CTNNA3: variants seen among roughly 807,000 people sequenced by gnomAD.
CTNNA3 encodes the protein catenin alpha 3.
A neutral mutation model predicts 95.7 loss-of-function variants in CTNNA3; 76 were observed. The ratio of observed to expected loss-of-function variants is 0.79; its 90% confidence interval spans 0.66 to 0.96. The LOEUF is 0.96. Among genes scored for constraint, CTNNA3 ranks in the 40% least tolerant of loss-of-function variants. The probability of loss-of-function intolerance (pLI) is 0.00; values close to 1 mark genes in which losing one functional copy is unlikely to be tolerated. For synonymous variants in CTNNA3, 431 were observed against 374.4 expected, an observed-to-expected ratio of 1.15 and a Z score of -1.74; for missense variants, 1,191 against 1,089.8, an observed-to-expected ratio of 1.09 and a Z score of -1.31.
chr10:67,472,529 AT>A (rs1471995667), intron 5 of CTNNA3, among the ~76,000 whole-genome samples: 7 of 152,270 alleles, frequency 4.6e-5, no homozygotes, highest in Admixed American at 3.9e-4. Flanking sequence ...GCCATGACAA[AT>A]GTCATGGCAA....
intron 5 of CTNNA3, among the ~76,000 whole-genome samples, chr10:67,259,714 T>A (rs905708960): frequency 6.6e-6 from 1 of 152,234 alleles, no homozygotes; most frequent in African/African-American, 2.4e-5. Flanking sequence ...TGACCCTCTA[T>A]GTTTTTGCCT....
chr10:67,262,178 C>T (rs188046883), intron 5 of CTNNA3, among the ~76,000 whole-genome samples: 1 of 152,082 alleles, frequency 6.6e-6, no homozygotes, highest in Non-Finnish European at 1.5e-5. Context: ...TTATAAGCCA[C>T]AAGTTTTCAC....
intron 12 of CTNNA3, among the ~76,000 whole-genome samples, chr10:66,338,636 AG>A (rs2092421594): frequency 6.6e-6 from 1 of 151,944 alleles, no homozygotes; most frequent in Admixed American, 6.6e-5. Flanking sequence ...CAGAATAAAC[AG>A]GGGAATGAAA....
chr10:66,119,639 ATAT>A (rs2082489501), intron 13 of CTNNA3, among the ~76,000 whole-genome samples: 1 of 152,130 alleles, frequency 6.6e-6, no homozygotes, highest in Non-Finnish European at 1.5e-5. Context: ...AAGATAACTT[ATAT>A]TATATATTGA....
intron 5 of CTNNA3, among the ~76,000 whole-genome samples, chr10:67,381,951 C>A (rs890233484): frequency 1.3e-5 from 2 of 152,064 alleles, no homozygotes; most frequent in Non-Finnish European, 2.9e-5. Flanking sequence ...CTTACATGTA[C>A]ATTGGAAGTT....
intron 13 of CTNNA3, among the ~76,000 whole-genome samples, chr10:66,167,865 G>A (rs12253998): frequency 1.3e-5 from 2 of 152,170 alleles, no homozygotes; most frequent in Admixed American, 6.5e-5. Flanking sequence ...GTAGCCACCA[G>A]AGGCATCAAG....
intron 3 of CTNNA3, among the ~76,000 whole-genome samples, chr10:67,601,110 G>C (rs1843070014): frequency 1.3e-5 from 2 of 152,122 alleles, no homozygotes; most frequent in South Asian, 4.1e-4. Context: ...TCACTATGTG[G>C]ATATGTATTG....
In CTNNA3 at chr10:66,927,278, T is replaced by G. The variant is rs762861474; in HGVS notation, c.1048-151754A>C. 1 of 1,614,084 alleles carries G rather than the reference T, an allele frequency of 6.2e-7. No individual in the cohort carries two copies. ...GAGCTGATTCTTAGTTCCAATAGAA[T>G]CTCCTATTTTCTTAACAATACCTTC... is the stretch of plus-strand genomic sequence containing the variant. On this transcript the variant is annotated intron_variant, in intron 7 of 17. Coordinates refer to ENST00000433211, the MANE Select transcript of CTNNA3 (RefSeq NM_013266.4). This position sits in a 1 kb window ranked among gnomAD's most constrained non-coding sequence, Gnocchi z 4.7.
intron 6 of CTNNA3, among the ~76,000 whole-genome samples, chr10:67,212,471 G>GT (rs1421424809): frequency 1.3e-5 from 2 of 151,632 alleles, no homozygotes; most frequent in Non-Finnish European, 3.0e-5. Context: ...TTTTGTTTTG[G>GT]TATCATTCAT....
chr10:67,104,947 T>G (rs755643029), intron 7 of CTNNA3, among the ~76,000 whole-genome samples: 5 of 152,012 alleles, frequency 3.3e-5, no homozygotes, highest in African/African-American at 4.8e-5. Flanking sequence ...CATACAGAAA[T>G]GTTATCTGAA....
chr10:67,642,253 T>C (rs1839561466), intron 2 of CTNNA3, among the ~76,000 whole-genome samples: 1 of 151,764 alleles, frequency 6.6e-6, no homozygotes, highest in Non-Finnish European at 1.5e-5. Context: ...ACAGACAACC[T>C]ACAGAATGGG....
chr10:67,656,019 T>C (rs962324936), intron 1 of CTNNA3, among the ~76,000 whole-genome samples: 3 of 152,256 alleles, frequency 2.0e-5, no homozygotes, highest in South Asian at 2.1e-4. Context: ...TTTTATACAA[T>C]TGAGTCTTGG....
At chr10:66,771,066 AT>A (rs886526638) in intron 8 of CTNNA3, among the ~76,000 whole-genome samples, 3 of 152,032 alleles carry the variant, frequency 2.0e-5, no homozygotes, top group Non-Finnish European at 4.4e-5. Context: ...AAGCCTACAT[AT>A]TTTTTTCTGA....
intron 7 of CTNNA3, among the ~76,000 whole-genome samples, chr10:66,867,365 T>A (rs142904154): frequency 1.5e-4 from 23 of 152,304 alleles, no homozygotes; most frequent in African/African-American, 4.6e-4. Flanking sequence ...TCACAGAAAG[T>A]TATTAATTGA....
chr10:66,073,344 G>A (rs141292024), intron 14 of CTNNA3, among the ~76,000 whole-genome samples: 59 of 152,230 alleles, frequency 3.9e-4, no homozygotes, highest in African/African-American at 1.3e-3. Flanking sequence ...CTTCTACAGT[G>A]TACATATAGG....
At position 67,502,954 on chromosome 10, in the gene CTNNA3, GC is replaced by G. The variant is rs1228089519; in HGVS notation, c.579+18887del. Reference sequence around the variant, plus strand: ...TACACCACTTGGCTCCCTGGCTTCAGCCCCCTTTCCAGGGGAGCAAACAGTT... The same window carrying G: ...TACACCACTTGGCTCCCTGGCTTCAGCCCCTTTCCAGGGGAGCAAACAGTT... On this transcript the variant is annotated intron_variant, in intron 5 of 17. Coordinates refer to ENST00000433211, the MANE Select transcript of CTNNA3 (RefSeq NM_013266.4). Among the ~76,000 whole-genome samples, 15 of 152,176 alleles carry G rather than the reference GC, an allele frequency of 9.9e-5. 1 individual carries two copies. The highest frequency in any genetic ancestry group is 9.8e-4 in the Admixed American group (15 of 15,270).
At chr10:66,800,711 G>A (rs915895814) in intron 7 of CTNNA3, among the ~76,000 whole-genome samples, 1 of 151,188 alleles carries the variant, frequency 6.6e-6, no homozygotes, top group African/African-American at 2.4e-5. Flanking sequence ...ACTATATAAA[G>A]ACATGAATAA....
At chr10:67,371,677 T>C (rs1156261717) in intron 5 of CTNNA3, among the ~76,000 whole-genome samples, 1 of 152,176 alleles carries the variant, frequency 6.6e-6, no homozygotes, top group East Asian at 1.9e-4. Flanking sequence ...TGAATAGTGC[T>C]GCAATAAACA....
intron 17 of CTNNA3, among the ~76,000 whole-genome samples, chr10:65,947,287 C>T (rs568506957): frequency 1.1e-4 from 17 of 152,076 alleles, no homozygotes; most frequent in Middle Eastern, 3.2e-3. Flanking sequence ...CATTTTCTTA[C>T]CTTTTTTCTT....
Sources: gnomAD v4.1 joint callset for allele counts (sites outside exome capture counted in the v4.1 genomes callset) on GRCh38, gnomAD v4.1.1 for gene constraint, Gnocchi (gnomAD v3.1) non-coding constraint, MANE v1.5 for transcripts, NCBI Gene and HGNC (gene_info 2026-07-23, HGNC 2026-07-21) for gene names.